CSMD2: variants seen among roughly 807,000 people sequenced by gnomAD.
The protein encoded by CSMD2 is CUB and Sushi multiple domains 2, also known as CUB and sushi domain-containing protein 2.
A neutral mutation model predicts 398.5 loss-of-function variants in CSMD2; 130 were observed. The ratio of observed to expected loss-of-function variants is 0.33; its 90% CI spans 0.28 to 0.38. CSMD2 has a LOEUF of 0.38. Among genes scored for constraint, CSMD2 ranks in the 10% least tolerant of loss-of-function variants. CSMD2 has a pLI of 1.00. For missense variants in CSMD2, 3,829 were observed against 4,764.9 expected (o/e 0.80, Z 5.78); for synonymous variants, 1,828 against 1,908.5 (o/e 0.96, Z 1.10).
chr1:34,022,550 G>T (rs1649050609), intron 3 of CSMD2, among the ~76,000 whole-genome samples: 1 of 152,202 alleles, frequency 6.6e-6, no homozygotes, highest in South Asian at 2.1e-4. Flanking sequence ...GAAGTGCAGG[G>T]AGCCAAGAGG....
intron 70 of CSMD2, among the ~76,000 whole-genome samples, chr1:33,516,954 A>G (rs1433144900): frequency 6.6e-6 from 1 of 151,960 alleles, no homozygotes; most frequent in Non-Finnish European, 1.5e-5. Context: ...TAAAGAATCC[A>G]GGCTGGATTA....
In CSMD2 at chr1:33,790,612, CAT is replaced by C. The variant is rs149128465; in HGVS notation, c.1550+1809_1550+1810del. Among the ~76,000 whole-genome samples, 733 of 152,290 alleles carry C rather than the reference CAT, an allele frequency of 4.8e-3. 5 individuals are homozygous for C. Among genetic ancestry groups the C allele is most frequent in the African/African-American group, 0.017 (686 of 41,556 alleles). The stretch of plus-strand genomic sequence containing the variant: ...GGGACCTGTCAGTCTCCCAAAATCA[CAT>C]GAGACAATTCTTTACAACAAATTAT... On this transcript the variant is annotated intron_variant, in intron 11 of 70. Transcript: ENST00000373381.
chr1:33,523,768 C>T (rs531603890), intron 66 of CSMD2, among the ~76,000 whole-genome samples: 1 of 152,234 alleles, frequency 6.6e-6, no homozygotes, highest in Admixed American at 6.5e-5. Context: ...TTCATGAGGT[C>T]CTGGGCATGG....
intron 3 of CSMD2, among the ~76,000 whole-genome samples, chr1:33,991,684 C>T (rs544177811): frequency 3.3e-5 from 5 of 152,216 alleles, no homozygotes; most frequent in African/African-American, 4.8e-5. Flanking sequence ...TGAAACACCA[C>T]GGGGAGTCAG....
chr1:33,907,607 G>C (rs1003147569), intron 5 of CSMD2, among the ~76,000 whole-genome samples: 1 of 152,138 alleles, frequency 6.6e-6, no homozygotes, highest in Non-Finnish European at 1.5e-5. Flanking sequence ...CGTCCATGAA[G>C]CCACCTCATT....
chr1:33,531,430 T>C (rs1655222270), intron 64 of CSMD2, among the ~76,000 whole-genome samples: 1 of 152,210 alleles, frequency 6.6e-6, no homozygotes, highest in Admixed American at 6.5e-5. Context: ...CTTTGGCAAT[T>C]CCTCAAAATA....
chr1:34,010,268 C>T (rs1647204224), intron 3 of CSMD2, among the ~76,000 whole-genome samples: 1 of 152,212 alleles, frequency 6.6e-6, no homozygotes, highest in African/African-American at 2.4e-5. Flanking sequence ...GTTCACTGAC[C>T]CTCTTCCTGT....
chr1:33,933,124 T>C (rs1240168896), intron 4 of CSMD2, among the ~76,000 whole-genome samples: 1 of 152,212 alleles, frequency 6.6e-6, no homozygotes, highest in Non-Finnish European at 1.5e-5. Flanking sequence ...ACACCTTCCA[T>C]AAAGCCTGAA....
intron 26 of CSMD2, among the ~76,000 whole-genome samples, chr1:33,662,114 T>C (rs921708839): frequency 2.0e-5 from 3 of 152,198 alleles, no homozygotes; most frequent in Admixed American, 6.5e-5. Flanking sequence ...ATATAAATTA[T>C]CTCATACTGG....
rs1162974119 is a variant in CSMD2, at chr1:33,640,659, G to A, written c.4775-4105C>T. ...TACTTTATATTTATAGAAAGTATCC[G>A]AAATGAGATACCAAGCTGTTAATAA... On this transcript the variant is annotated intron_variant, in intron 29 of 70. Coordinates refer to ENST00000373381, the MANE Select transcript of CSMD2 (RefSeq NM_001281956.2). 4.6e-5 allele frequency among the ~76,000 whole-genome samples: 7 copies of A among 152,228 alleles called. No homozygotes were observed. The East Asian group carries it at 5.8e-4, about 13-fold the overall frequency.
At chr1:34,105,591 G>A (rs1278555801) in intron 1 of CSMD2, among the ~76,000 whole-genome samples, 8 of 152,142 alleles carry the variant, frequency 5.3e-5, no homozygotes, top group Non-Finnish European at 7.4e-5. Context: ...CCTCCTTGGA[G>A]CCTCGTGACA....
intron 13 of CSMD2, among the ~76,000 whole-genome samples, chr1:33,748,301 A>G (rs1647672937): frequency 6.6e-6 from 1 of 152,206 alleles, no homozygotes; most frequent in Non-Finnish European, 1.5e-5. Context: ...GGGATTTTTA[A>G]AAAGTTGTAA....
At position 33,819,723 on chromosome 1, in the gene CSMD2, T is replaced by C. The variant is rs753921644; in HGVS notation, c.1314A>G (p.Pro438=). Residue 438 remains proline (P), a synonymous_variant, in exon 9 of 71, where the codon CCA becomes CCG. Coordinates refer to ENST00000373381, the MANE Select transcript of CSMD2 (RefSeq NM_001281956.2). ...DMFAAWSDHR[P]VCRARMCDAH... is the part of the protein sequence containing the mutation. ...CCAGGGCACCCTCACCTCGGCAGAC[T>C]GGCCTGTGGTCGCTCCAGGCCGCAA... 4 of 1,613,482 alleles carry C rather than the reference T, an allele frequency of 2.5e-6. No homozygotes were observed. Among genetic ancestry groups the C allele is most frequent in the Non-Finnish European group, 3.4e-6 (4 of 1,179,942 alleles).
intron 25 of CSMD2, 70 bp downstream of exon 25, chr1:33,692,860 C>T (rs1415881693): frequency 1.9e-6 from 3 of 1,587,944 alleles, no homozygotes; most frequent in South Asian, 2.3e-5. Flanking sequence ...GCTGGATGGC[C>T]TGGTGATGAT....
At chr1:33,964,317 A>G (rs1468193487) in intron 3 of CSMD2, among the ~76,000 whole-genome samples, 1 of 152,220 alleles carries the variant, frequency 6.6e-6, no homozygotes, top group African/African-American at 2.4e-5. Flanking sequence ...GCTATTGTGA[A>G]GAAAGAAGTA....
intron 57 of CSMD2, among the ~76,000 whole-genome samples, chr1:33,543,101 C>A (rs1656520433): frequency 1.3e-5 from 2 of 152,194 alleles, no homozygotes; most frequent in Admixed American, 1.3e-4. Flanking sequence ...TGAGCAAATT[C>A]CAGTTTTTTA....
chr1:33,600,195 A>G, intron 44 of CSMD2: 1 of 715,736 alleles, frequency 1.4e-6, no homozygotes, highest in Admixed American at 2.0e-5. Flanking sequence ...TGGAGCTGGG[A>G]GTAAAATCCA....
At position 33,669,786 on chromosome 1, in the gene CSMD2, C is replaced by T. The variant is rs140638230; in HGVS notation, c.4053-6694G>A. ...GGGCCGTAAATCCAATGACTGATAT[C>T]GTAAGAGAAAAGAGAGGGAGATTTG... On this transcript the variant is annotated intron_variant, in intron 25 of 70. Coordinates refer to ENST00000373381, the MANE Select transcript of CSMD2 (RefSeq NM_001281956.2). 7.2e-5 allele frequency among the ~76,000 whole-genome samples: 11 copies of T among 151,950 alleles called. No homozygotes were observed. In the South Asian group the frequency reaches 8.3e-4, roughly 12 times the overall value.
chr1:34,103,600 T>C (rs1329473372), intron 1 of CSMD2, among the ~76,000 whole-genome samples: 1 of 152,156 alleles, frequency 6.6e-6, no homozygotes, highest in African/African-American at 2.4e-5. Flanking sequence ...CGACCCTCCT[T>C]GAGCTTTTCT....
Sources: gnomAD v4.1 joint callset for allele counts (sites outside exome capture counted in the v4.1 genomes callset) on GRCh38, gnomAD v4.1.1 for gene constraint, MANE v1.5 for transcripts, NCBI Gene and HGNC (gene_info 2026-07-23, HGNC 2026-07-21) for gene names.